Variants in PALLD observed in about 807,000 individuals in gnomAD.
PALLD encodes the protein palladin, cytoskeletal associated protein, also known as palladin.
PALLD carries 61 observed loss-of-function variants against 123.5 expected under a neutral mutation model. The observed-to-expected ratio is 0.49, with a 90% CI of 0.40 to 0.61. PALLD has a LOEUF of 0.61. Ranked by LOEUF, PALLD falls within the 20% of genes least tolerant of loss-of-function variation. PALLD has a pLI of 0.00. For synonymous variants in PALLD, 465 were observed against 496.4 expected (o/e 0.94, Z 0.84); for missense variants, 1,273 against 1,377.0 (o/e 0.92, Z 1.20).
At chr4:168,925,762 A>G (rs1762464873) in intron 21 of PALLD, among the ~76,000 whole-genome samples, 1 of 152,206 alleles carries the variant, frequency 6.6e-6, no homozygotes, top group South Asian at 2.1e-4. Flanking sequence ...TAACTATGTG[A>G]GGGTCATCAA....
chr4:168,676,046 C>T (rs1780799358), intron 3 of PALLD, among the ~76,000 whole-genome samples: 4 of 152,124 alleles, frequency 2.6e-5, no homozygotes, highest in South Asian at 2.1e-4. Context: ...CAGAGTGAGA[C>T]CCTGTCTCAA....
At chr4:168,683,596 A>G (rs1781757877) in intron 5 of PALLD, among the ~76,000 whole-genome samples, 1 of 152,242 alleles carries the variant, frequency 6.6e-6, no homozygotes, top group African/African-American at 2.4e-5. Flanking sequence ...TGCTATAGCC[A>G]TGAAAGAACA....
At chr4:168,503,794 G>A (rs1375098465) in intron 1 of PALLD, among the ~76,000 whole-genome samples, 2 of 152,202 alleles carry the variant, frequency 1.3e-5, no homozygotes, top group East Asian at 3.8e-4. Flanking sequence ...CATGTGTGTT[G>A]GTGATGACAG....
In PALLD at chr4:168,511,587, C is replaced by G. The variant is rs148615872; in HGVS notation, c.83C>G (p.Pro28Arg). The G allele has an allele frequency of 6.2e-7, 1 of 1,613,870 alleles. No individual in the cohort carries two copies. Among genetic ancestry groups the G allele is most frequent in the Non-Finnish European group, 8.5e-7 (1 of 1,179,782 alleles). ...QEESKNTDFFPGLSAFLSQEE... is the reference protein window; with the variant it reads ...QEESKNTDFFRGLSAFLSQEE... ...GAAAGCAAGAATACTGACTTCTTCC[C>G]GGGCCTTTCTGCTTTCCTCAGCCAG... Residue 28 changes from proline to arginine, a missense_variant, in exon 2 of 22, where the codon CCG becomes CGG. Pro to Arg is a moderately radical substitution (Grantham distance 103). Transcript: ENST00000505667.
chr4:168,774,027 C>T (rs946348212), intron 10 of PALLD, among the ~76,000 whole-genome samples: 4 of 150,160 alleles, frequency 2.7e-5, no homozygotes, highest in African/African-American at 9.8e-5. Flanking sequence ...AGCTGAGTCA[C>T]ATTTTATGTG....
At chr4:168,832,216 G>T in intron 10 of PALLD, 1 of 984,464 alleles carries the variant, frequency 1.0e-6, no homozygotes, top group Non-Finnish European at 1.2e-6. Context: ...AGAAATGTGT[G>T]AATTAAAGGG....
intron 13 of PALLD, among the ~76,000 whole-genome samples, chr4:168,897,029 C>T (rs1293491027): frequency 6.6e-6 from 1 of 152,120 alleles, no homozygotes; most frequent in Non-Finnish European, 1.5e-5. Flanking sequence ...TGGGGTTTCA[C>T]CATGTTGGTC....
intron 2 of PALLD, among the ~76,000 whole-genome samples, chr4:168,583,150 A>G (rs533610982): frequency 6.6e-6 from 1 of 152,208 alleles, no homozygotes; most frequent in Non-Finnish European, 1.5e-5. Context: ...TAGAATATGT[A>G]CAAAACTAAA....
intron 2 of PALLD, among the ~76,000 whole-genome samples, chr4:168,594,709 C>G (rs1304271670): frequency 6.6e-6 from 1 of 152,136 alleles, no homozygotes; most frequent in African/African-American, 2.4e-5. Context: ...GTCAACTACA[C>G]ATTCAATAAC....
intron 3 of PALLD, among the ~76,000 whole-genome samples, chr4:168,672,009 A>T (rs1433310324): frequency 6.6e-6 from 1 of 152,254 alleles, no homozygotes; most frequent in African/African-American, 2.4e-5. Flanking sequence ...AGTGGCTAGC[A>T]TTCATTTAGT....
rs1561193462 is a variant in PALLD at position 168,512,102 on chromosome 4, CCAGA to C, written c.602_605del (p.Asp201ValfsTer14). 2.7e-5 allele frequency: 43 copies of C among 1,614,208 alleles called. No individual in the cohort carries two copies. Among genetic ancestry groups the C allele is most frequent in the Non-Finnish European group, 3.6e-5 (42 of 1,180,014 alleles). ...AAGCCCAAATGGGGAGTCCTCGTCACCAGACAGTGGGTACCTGTCTCCTAAAAAT... is the reference window on the plus strand; with the variant it reads ...AAGCCCAAATGGGGAGTCCTCGTCACCAGTGGGTACCTGTCTCCTAAAAAT... On this transcript the variant is annotated frameshift_variant, in exon 2 of 22. Transcript: ENST00000505667. LOFTEE classifies it high-confidence loss of function.
At chr4:168,800,192 C>T (rs778543165) in intron 10 of PALLD, among the ~76,000 whole-genome samples, 1 of 151,964 alleles carries the variant, frequency 6.6e-6, no homozygotes, top group Non-Finnish European at 1.5e-5. Context: ...GTGCTATATA[C>T]AAAAGTTGCT....
chr4:168,775,047 G>C (rs576071640), intron 10 of PALLD, among the ~76,000 whole-genome samples: 1 of 142,820 alleles, frequency 7.0e-6, no homozygotes, highest in African/African-American at 2.7e-5. Context: ...TGCTTATAGA[G>C]CATATATATC....
intron 2 of PALLD, among the ~76,000 whole-genome samples, chr4:168,538,534 T>G (rs868663607): frequency 7.9e-5 from 12 of 152,126 alleles, no homozygotes; most frequent in Admixed American, 3.3e-4. Flanking sequence ...GACCTTGTTT[T>G]TCAAATGACC....
chr4:168,742,579 G>A (rs892827786), intron 10 of PALLD, among the ~76,000 whole-genome samples: 4 of 152,182 alleles, frequency 2.6e-5, no homozygotes. Flanking sequence ...GAACATACCG[G>A]ACTCAGGAGT....
chr4:168,505,068 A>G (rs146153008), intron 1 of PALLD: 1 of 152,338 alleles, frequency 6.6e-6, no homozygotes, highest in East Asian at 1.9e-4. Flanking sequence ...GTGCTGACTG[A>G]CATGGAAATC....
chr4:168,837,831 T>C (rs115168499), intron 10 of PALLD, among the ~76,000 whole-genome samples: 2,310 of 152,308 alleles, frequency 0.015, 57 homozygotes, highest in African/African-American at 0.051. Flanking sequence ...GTGAATGAAA[T>C]GGACAAATAT....
chr4:168,554,827 C>T (rs1277919237), intron 2 of PALLD, among the ~76,000 whole-genome samples: 1 of 152,084 alleles, frequency 6.6e-6, no homozygotes, highest in Admixed American at 6.5e-5. Flanking sequence ...AACAACTTCA[C>T]TGATATTTTA....
At chr4:168,716,341 T>C (rs954599240) in intron 10 of PALLD, among the ~76,000 whole-genome samples, 2 of 152,206 alleles carry the variant, frequency 1.3e-5, no homozygotes, top group Non-Finnish European at 2.9e-5. Context: ...AATATGTGCA[T>C]TACCGTGAAA....
Sources: gnomAD v4.1 joint callset for allele counts (sites outside exome capture counted in the v4.1 genomes callset) on GRCh38, gnomAD v4.1.1 for gene constraint, MANE v1.5 for transcripts, NCBI Gene and HGNC (gene_info 2026-07-23, HGNC 2026-07-21) for gene names.